Variants in SH3TC1 observed in about 807,000 individuals in gnomAD.
SH3TC1 encodes SH3 domain and tetratricopeptide repeats 1.
A neutral mutation model predicts 117.3 loss-of-function variants in SH3TC1; 135 were observed. The observed-to-expected ratio is 1.15, with a 90% CI of 1.00 to 1.33. The LOEUF is 1.33. SH3TC1 is among the 40% of genes most tolerant of loss of function. The pLI, the probability that SH3TC1 is intolerant of heterozygous loss-of-function variation, is 0.00. For missense variants in SH3TC1, 2,092 were observed against 1,794.3 expected, an observed-to-expected ratio of 1.17 and a Z score of -3.00; for synonymous variants, 898 against 816.9, an observed-to-expected ratio of 1.10 and a Z score of -1.69.
chr4:8,232,095 G>T lies in SH3TC1; in HGVS notation c.3070G>T (p.Val1024Leu). 6.2e-7 allele frequency: 1 copy of T among 1,613,152 alleles called. No individual in the cohort carries two copies. Among genetic ancestry groups the T allele is most frequent in the Non-Finnish European group, 8.5e-7 (1 of 1,179,946 alleles). Residue 1024 changes from valine (V) to leucine (L), a missense_variant, in exon 13 of 18, where the codon GTG becomes TTG. Physicochemically the swap from Val to Leu is conservative, Grantham distance 32. Coordinates refer to ENST00000245105, the MANE Select transcript of SH3TC1 (RefSeq NM_018986.5). ...LSLACKVADK[V>L]LEGQLLETIS... ...CCTGGCCTGCAAGGTGGCCGACAAG[G>T]TGCTGGAGGGGCAGCTCCTGGAGAC...
chr4:8,184,615 G>A (rs1578630086), intron 1 of SH3TC1, among the ~76,000 whole-genome samples: 1 of 152,090 alleles, frequency 6.6e-6, no homozygotes. Context: ...CTGGGCTCAC[G>A]TGATCCTCCC....
At chr4:8,237,721 G>C in intron 17 of SH3TC1, 51 bp downstream of exon 17, 1 of 1,529,760 alleles carries the variant, frequency 6.5e-7, no homozygotes, top group Non-Finnish European at 8.8e-7. Context: ...CTTGGAGTGG[G>C]ATCTCCACCC....
At chr4:8,219,715 C>T (rs555588148) in intron 9 of SH3TC1, among the ~76,000 whole-genome samples, 185 bp downstream of exon 9, 12 of 152,342 alleles carry the variant, frequency 7.9e-5, no homozygotes, top group East Asian at 5.8e-4. Flanking sequence ...GGTTCCCTGG[C>T]GTCCTTTCTC....
At chr4:8,211,960 G>C (rs553469466) in intron 3 of SH3TC1, among the ~76,000 whole-genome samples, 84 of 152,254 alleles carry the variant, frequency 5.5e-4, no homozygotes, top group South Asian at 1.7e-3. Flanking sequence ...CCAGGGGACA[G>C]ACAGGAGGGA....
At chr4:8,201,578 GC>G (rs1168403746) in intron 1 of SH3TC1, 12 of 152,460 alleles carry the variant, frequency 7.9e-5, no homozygotes. Context: ...GTCAACACCT[GC>G]CCGTGGTTGG....
chr4:8,186,460 C>T lies in SH3TC1; in HGVS notation c.-57+4250C>T, dbSNP rs559427427. Reference sequence around the variant, plus strand: ...GGATGTTAGGGGAAACTAAGGAAGTCGAGTCGAGTGTGAATTGTGAGTAAA... The same window carrying T: ...GGATGTTAGGGGAAACTAAGGAAGTTGAGTCGAGTGTGAATTGTGAGTAAA... On this transcript the variant is annotated intron_variant, in intron 1 of 16. Transcript: ENST00000508641. The surrounding 1 kb of genome is among the most constrained non-coding windows in gnomAD (Gnocchi z 5.2). 6.6e-6 allele frequency among the ~76,000 whole-genome samples: 1 copy of T among 152,232 alleles called. No individual in the cohort carries two copies. The highest frequency in any genetic ancestry group is 1.9e-4 in the East Asian group (1 of 5,178).
chr4:8,223,085 C>T (rs1326386327), intron 10 of SH3TC1, 115 bp downstream of exon 10: 1 of 1,398,260 alleles, frequency 7.2e-7, no homozygotes, highest in Non-Finnish European at 9.5e-7. Context: ...GAAAGGTGAA[C>T]AGACAGAGGC....
chr4:8,224,979 C>T (rs1578711977), intron 10 of SH3TC1, 196 bp from the exon 11 acceptor site: 2 of 625,664 alleles, frequency 3.2e-6, no homozygotes, highest in South Asian at 4.1e-5. Context: ...TGCACCTGAC[C>T]CTGCAACACC....
In SH3TC1 at chr4:8,219,481, G is replaced by T. The variant is rs1168236710; in HGVS notation, c.1063G>T (p.Val355Leu). Reference sequence around the variant, plus strand: ...GGGCCGACACGCAGCCTCGGGCCGGGTGGGGTTTGTGCGGAGCAGCCTCAT... The same window carrying T: ...GGGCCGACACGCAGCCTCGGGCCGGTTGGGGTTTGTGCGGAGCAGCCTCAT... ...CVGRHAASGRVGFVRSSLISM... is the reference protein window; with the variant it reads ...CVGRHAASGRLGFVRSSLISM... The change falls in exon 9 of 18, where the codon GTG (valine) becomes TTG (leucine). Residue 355 changes from valine (V) to leucine (L), a missense_variant. Coordinates refer to ENST00000245105, the MANE Select transcript of SH3TC1 (RefSeq NM_018986.5). 17 of 1,604,542 alleles carry T rather than the reference G, an allele frequency of 1.1e-5. No homozygotes were observed. The highest frequency in any genetic ancestry group is 1.2e-5 in the Non-Finnish European group (14 of 1,173,954).
chr4:8,222,784 T>G, intron 9 of SH3TC1, 56 bp from the exon 10 acceptor site: 1 of 1,587,852 alleles, frequency 6.3e-7, no homozygotes, highest in Admixed American at 1.7e-5. Context: ...GTGCTTAGTG[T>G]GAAATGCTGA....
chr4:8,216,949 T>TTCC lies in SH3TC1; in HGVS notation c.629-7_629-6insCCT, dbSNP rs780584273. ...CCACCCTCAGTGACCACCTCCATCC[T>TTCC]TTTGAAGGGCCCTTCTTTGTCCTGT... On this transcript the variant is annotated splice_region_variant and splice_polypyrimidine_tract_variant and intron_variant, in intron 6 of 17. Transcript: ENST00000245105. The TTCC allele has an allele frequency of 8.7e-6, 14 of 1,613,968 alleles. No homozygotes were observed. Among genetic ancestry groups the TTCC allele is most frequent in the Non-Finnish European group, 1.2e-5 (14 of 1,179,892 alleles).
chr4:8,219,260 T>A, intron 8 of SH3TC1, 75 bp from the exon 9 acceptor site: 6 of 1,418,052 alleles, frequency 4.2e-6, no homozygotes, highest in Non-Finnish European at 5.7e-6. Flanking sequence ...TCAGGGTGGC[T>A]GGCATCGGCC....
upstream of SH3TC1, among the ~76,000 whole-genome samples, chr4:8,194,342 A>C (rs750648204): frequency 8.5e-4 from 130 of 152,252 alleles, no homozygotes; most frequent in Admixed American, 2.6e-3. Context: ...GTCACAGAAA[A>C]AGTCTGAAGG....
rs200605859 is a variant in SH3TC1, at chr4:8,240,923, G to A, written c.3979G>A (p.Ala1327Thr). 22 of 1,612,030 alleles carry A rather than the reference G, an allele frequency of 1.4e-5. No individual in the cohort carries two copies. In the Admixed American group the frequency reaches 2.7e-4, roughly 20 times the overall value. Reference protein sequence around the residue: ...NLPPLPLCGWAPWLAPSHPR With the variant: ...NLPPLPLCGWTPWLAPSHPR ...GCCTCCTCTGCCACTCTGCGGGTGG[G>A]CCCCCTGGTTGGCCCCCAGCCACCC... The change falls in exon 18 of 18, where the codon GCC becomes ACC. Residue 1327 changes from alanine to threonine, a missense_variant. Transcript: ENST00000245105.
chr4:8,234,538 TCCAC>T (rs1400597564), intron 14 of SH3TC1, among the ~76,000 whole-genome samples: 3 of 151,370 alleles, frequency 2.0e-5, no homozygotes, highest in Admixed American at 1.3e-4. Context: ...CATCCATCCA[TCCAC>T]CCACCTATAC....
At chr4:8,234,666 GA>G (rs1477403588) in intron 14 of SH3TC1, among the ~76,000 whole-genome samples, 1 of 152,120 alleles carries the variant, frequency 6.6e-6, no homozygotes, top group East Asian at 1.9e-4. Flanking sequence ...AGCCACTGCT[GA>G]GCACCTGTTG....
At chr4:8,193,943 C>T (rs1343936728) in intron 1 of SH3TC1, among the ~76,000 whole-genome samples, 1 of 152,216 alleles carries the variant, frequency 6.6e-6, no homozygotes, top group Non-Finnish European at 1.5e-5. Flanking sequence ...CTGCCTGTGC[C>T]TTCCTATGAC....
At position 8,227,645 on chromosome 4, in the gene SH3TC1, G is replaced by A. The variant is rs1720629815; in HGVS notation, c.1951G>A (p.Ala651Thr). The change falls in exon 12 of 18, where the codon GCG (alanine) becomes ACG (threonine). Residue 651 changes from alanine to threonine, a missense_variant. Physicochemically the swap from Ala to Thr is moderately conservative, Grantham distance 58. Coordinates refer to ENST00000245105, the MANE Select transcript of SH3TC1 (RefSeq NM_018986.5). The part of the protein sequence containing the change: ...TEAEGELLQL[A>T]LRRAVGGQSL... Reference sequence around the variant, plus strand: ...GGCGGAGGGGGAGCTCCTGCAGCTGGCGCTGCGGCGGGCGGTGGGTGGCCA... The same window carrying A: ...GGCGGAGGGGGAGCTCCTGCAGCTGACGCTGCGGCGGGCGGTGGGTGGCCA... The A allele has an allele frequency of 6.5e-7, 1 of 1,527,342 alleles. No individual in the cohort carries two copies. The highest frequency in any genetic ancestry group is 1.4e-5 in the African/African-American group (1 of 71,978). 94.6% of individuals were successfully genotyped at this position (1,527,342 alleles called of 1,614,324 possible).
At chr4:8,212,165 C>T (rs561649550) in intron 3 of SH3TC1, among the ~76,000 whole-genome samples, 4 of 152,158 alleles carry the variant, frequency 2.6e-5, no homozygotes, top group African/African-American at 9.7e-5. Context: ...GGAGAGGAGC[C>T]GGCTTAGGGA....
Sources: allele counts gnomAD v4.1 joint callset (sites outside exome capture counted in the v4.1 genomes callset), GRCh38; gene constraint gnomAD v4.1.1; non-coding constraint Gnocchi (gnomAD v3.1); transcripts MANE v1.5; gene names NCBI Gene and HGNC (gene_info 2026-07-23, HGNC 2026-07-21).